Variants in GARIN2 observed in about 807,000 individuals in gnomAD.
GARIN2 encodes golgi associated RAB2 interactor family member 2.
At chr14:67,193,381 A>C in the GARIN2 span, among the ~76,000 whole-genome samples, 1 of 134,544 alleles carries the variant, frequency 7.4e-6, no homozygotes, top group Non-Finnish European at 1.6e-5. Flanking sequence ...ATATATCTAG[A>C]TATATCTAGA....
the GARIN2 span, chr14:67,200,256 C>A: frequency 1.2e-6 from 1 of 866,758 alleles, no homozygotes; most frequent in Non-Finnish European, 1.8e-6. Context: ...CCAGCCTCTC[C>A]CTCCAACCAG....
At chr14:67,204,726 A>C in the GARIN2 span, 3 of 1,613,924 alleles carry the variant, frequency 1.9e-6, no homozygotes, top group South Asian at 1.1e-5. Context: ...AAGTTTCCAA[A>C]GTGTCGGAGG....
At chr14:67,221,631 T>A in the GARIN2 span, 2 of 1,161,926 alleles carry the variant, frequency 1.7e-6, no homozygotes, top group South Asian at 3.2e-5. Context: ...TGTTCTATAA[T>A]CAGCAATGGC....
chr14:67,208,233 G>A, the GARIN2 span: 16 of 1,613,864 alleles, frequency 9.9e-6, no homozygotes, highest in South Asian at 1.8e-4. Flanking sequence ...AAGCCTGGGT[G>A]TTTACAAGAT....
chr14:67,212,654 TA>T, the GARIN2 span, among the ~76,000 whole-genome samples: 5 of 146,590 alleles, frequency 3.4e-5, no homozygotes, highest in African/African-American at 1.2e-4. Context: ...CATATATATA[TA>T]ATATATATTT....
the GARIN2 span, among the ~76,000 whole-genome samples, chr14:67,205,982 G>A: frequency 3.3e-5 from 5 of 152,136 alleles, no homozygotes; most frequent in Non-Finnish European, 5.9e-5. Flanking sequence ...TTGGGAGTTC[G>A]AGACCAGCCT....
At chr14:67,224,383 C>T in the GARIN2 span, among the ~76,000 whole-genome samples, 2 of 151,750 alleles carry the variant, frequency 1.3e-5, no homozygotes, top group Non-Finnish European at 1.5e-5. Context: ...CTCAGTCTCC[C>T]GAGTAGCTGG....
At chr14:67,225,025 T>C in the GARIN2 span, 2 of 1,176,658 alleles carry the variant, frequency 1.7e-6, no homozygotes, top group African/African-American at 1.6e-5. Flanking sequence ...CTGTGCCTTT[T>C]TTTTCCTCCT....
chr14:67,202,997 C>T, the GARIN2 span: 23 of 1,288,096 alleles, frequency 1.8e-5, no homozygotes, highest in Non-Finnish European at 2.5e-5. Flanking sequence ...TTCATTCCTC[C>T]TTTATTTCCT....
the GARIN2 span, among the ~76,000 whole-genome samples, chr14:67,226,267 C>G: frequency 1.1e-4 from 16 of 152,204 alleles, no homozygotes; most frequent in Non-Finnish European, 2.4e-4. Context: ...TCTTGGCTCA[C>G]TGCAACCTCT....
the GARIN2 span, chr14:67,201,724 CAGA>C: frequency 1.2e-5 from 4 of 342,810 alleles, no homozygotes; most frequent in Non-Finnish European, 2.3e-5. Context: ...TCTGTTAATC[CAGA>C]AGAAGAGGGG....
the GARIN2 span, among the ~76,000 whole-genome samples, chr14:67,220,444 GA>G: frequency 0.036 from 4,973 of 137,318 alleles, 98 homozygotes; most frequent in Middle Eastern, 0.041. Context: ...CTTTTCTCAG[GA>G]AAAAAAAAAA....
chr14:67,207,668 A>T, the GARIN2 span, among the ~76,000 whole-genome samples: 275 of 152,330 alleles, frequency 1.8e-3, no homozygotes, highest in Non-Finnish European at 2.0e-3. Context: ...AGTGATTCTG[A>T]GCGAATCAGA....
chr14:67,193,744 A>C, the GARIN2 span, among the ~76,000 whole-genome samples: 3 of 148,172 alleles, frequency 2.0e-5, no homozygotes, highest in Admixed American at 2.0e-4. Context: ...GGAGTTTGAG[A>C]CCAGCCTGGG....
the GARIN2 span, among the ~76,000 whole-genome samples, chr14:67,201,148 G>A: frequency 1.3e-3 from 204 of 152,210 alleles, 2 homozygotes; most frequent in Non-Finnish European, 2.4e-3. Flanking sequence ...TTAAAAATTA[G>A]CAGGGTGCAG....
the GARIN2 span, among the ~76,000 whole-genome samples, chr14:67,211,244 T>C: frequency 6.6e-6 from 1 of 152,106 alleles, no homozygotes; most frequent in Non-Finnish European, 1.5e-5. Context: ...TAGGTATAGA[T>C]ATAGATAAAA....
At chr14:67,204,784 A>AT in the GARIN2 span, 3 of 1,613,854 alleles carry the variant, frequency 1.9e-6, no homozygotes, top group African/African-American at 4.0e-5. Context: ...CACAGGCTCC[A>AT]TGGATGTGAC....
At chr14:67,207,521 A>AT in the GARIN2 span, among the ~76,000 whole-genome samples, 1 of 151,938 alleles carries the variant, frequency 6.6e-6, no homozygotes, top group Non-Finnish European at 1.5e-5. Flanking sequence ...TCAACATGAG[A>AT]TTTTCAAGTG....
chr14:67,199,572 CTATCACCG>C, the GARIN2 span: 1 of 1,597,680 alleles, frequency 6.3e-7, no homozygotes. Flanking sequence ...TGTAACCACC[CTATCACCG>C]TATCTTATGC....
Sources: gnomAD v4.1 joint callset for allele counts (sites outside exome capture counted in the v4.1 genomes callset) on GRCh38, gnomAD v4.1.1 for gene constraint, MANE v1.5 for transcripts, NCBI Gene and HGNC (gene_info 2026-07-23, HGNC 2026-07-21) for gene names.